The following MMP26 variants were observed in gnomAD, a reference collection of about 807,000 sequenced individuals.
MMP26 encodes matrix metallopeptidase 26, also known as matrix metalloproteinase-26.
In MMP26, 33 loss-of-function variants were observed where a neutral mutation model predicts 31.0. That is an observed-to-expected ratio of 1.06 (90% CI 0.81 to 1.42). The LOEUF is 1.42. Ranked by LOEUF, MMP26 falls within the 40% of genes most tolerant of loss-of-function variation. The pLI is 0.00. For synonymous variants in MMP26, 122 were observed against 114.9 expected (o/e 1.06, Z -0.40); for missense variants, 347 against 316.1 (o/e 1.10, Z -0.74).
chr11:4,942,597 A>G (rs775016262), intron 2 of MMP26, among the ~76,000 whole-genome samples: 6 of 152,162 alleles, frequency 3.9e-5, no homozygotes, highest in Non-Finnish European at 8.8e-5. Context: ...ATTGGCTATT[A>G]TATTTTATTG....
chr11:4,748,397 C>T (rs1291740004), intron 1 of MMP26, among the ~76,000 whole-genome samples: 1 of 152,006 alleles, frequency 6.6e-6, no homozygotes, highest in Admixed American at 6.6e-5. Context: ...CCAACTAAAA[C>T]TGTTCCAAAA....
chr11:4,708,127 T>A (rs1847806123), intron 1 of MMP26, among the ~76,000 whole-genome samples: 1 of 152,196 alleles, frequency 6.6e-6, no homozygotes, highest in African/African-American at 2.4e-5. Flanking sequence ...GATGCAGAAG[T>A]AGGTACATGT....
chr11:4,922,138 C>T (rs889822851), intron 2 of MMP26, among the ~76,000 whole-genome samples: 1 of 152,114 alleles, frequency 6.6e-6, no homozygotes, highest in Non-Finnish European at 1.5e-5. Context: ...CACTTAATGG[C>T]CAACAAGCAT....
At chr11:4,819,222 A>C (rs1378372684) in intron 2 of MMP26, among the ~76,000 whole-genome samples, 1 of 152,230 alleles carries the variant, frequency 6.6e-6, no homozygotes, top group Non-Finnish European at 1.5e-5. Context: ...TCAGACATGG[A>C]ACCTAAACAC....
At chr11:4,948,800 C>T (rs1406704721) in intron 2 of MMP26, among the ~76,000 whole-genome samples, 1 of 124,742 alleles carries the variant, frequency 8.0e-6, no homozygotes, top group Admixed American at 8.9e-5. Flanking sequence ...TTCTTTTAAA[C>T]TATGTGATGA....
chr11:4,811,608 G>A (rs555963367), intron 2 of MMP26, among the ~76,000 whole-genome samples: 32 of 152,024 alleles, frequency 2.1e-4, no homozygotes, highest in African/African-American at 7.5e-4. Context: ...GGTATGTGAC[G>A]TTCTTAGTAT....
chr11:4,768,935 C>A, intron 2 of MMP26: 1 of 1,353,902 alleles, frequency 7.4e-7, no homozygotes, highest in Non-Finnish European at 1.0e-6. Context: ...TTCTACAGTG[C>A]AAGTCATTCA....
At chr11:4,728,187 A>C (rs1848128379) in intron 1 of MMP26, among the ~76,000 whole-genome samples, 2 of 152,260 alleles carry the variant, frequency 1.3e-5, no homozygotes, top group Non-Finnish European at 2.9e-5. Context: ...GAAAAATTGG[A>C]AAGGACCTGA....
In MMP26 at chr11:4,969,911, A is replaced by C. The variant is rs1846643184; in HGVS notation, c.-144-18157A>C. Among the ~76,000 whole-genome samples the C allele has an allele frequency of 2.0e-5, 3 of 152,294 alleles. 1 individual carries two copies. In the South Asian group the frequency reaches 6.2e-4, roughly 32 times the overall value. ...AAATAATTTTGTTTAGTTTTTTCCT[A>C]GGAATTTTAGGAATATTTCATTTAC... On this transcript the variant is annotated intron_variant, in intron 2 of 7. Coordinates refer to ENST00000380390, the MANE Select transcript of MMP26 (RefSeq NM_021801.5).
intron 2 of MMP26, among the ~76,000 whole-genome samples, chr11:4,979,424 T>A (rs1278570986): frequency 6.6e-6 from 1 of 152,146 alleles, no homozygotes; most frequent in Non-Finnish European, 1.5e-5. Context: ...ATGAACATCG[T>A]GTCATTTTTA....
intron 1 of MMP26, among the ~76,000 whole-genome samples, chr11:4,715,297 A>G (rs1847914214): frequency 6.6e-6 from 1 of 151,466 alleles, no homozygotes; most frequent in African/African-American, 2.4e-5. Context: ...ATAAAAGAAT[A>G]TCGTTTCATC....
intron 2 of MMP26, chr11:4,914,549 C>A (rs1198500702): frequency 1.7e-6 from 1 of 572,164 alleles, no homozygotes; most frequent in Admixed American, 3.1e-5. Flanking sequence ...ATTTTACCCC[C>A]CCCTGCCCTG....
At chr11:4,794,455 T>TATGA (rs566248224) in intron 2 of MMP26, among the ~76,000 whole-genome samples, 8 of 152,310 alleles carry the variant, frequency 5.3e-5, no homozygotes, top group African/African-American at 1.9e-4. Context: ...GGTTGAGTAC[T>TATGA]ATGAGGTTGC....
intron 2 of MMP26, chr11:4,907,545 T>A: frequency 6.2e-7 from 1 of 1,614,076 alleles, no homozygotes. Context: ...CATGAGCCCA[T>A]GTATTATTTC....
chr11:4,897,943 T>G (rs10768353), intron 2 of MMP26, among the ~76,000 whole-genome samples: 37,610 of 147,684 alleles, frequency 0.25, 6,363 homozygotes, highest in South Asian at 0.38. Context: ...AATTAAATAA[T>G]AAATATTATA....
chr11:4,923,362 C>A, intron 2 of MMP26: 1 of 1,524,950 alleles, frequency 6.6e-7, no homozygotes, highest in Non-Finnish European at 8.8e-7. Flanking sequence ...AACTTCCTCT[C>A]TTTACTCTAA....
At chr11:4,777,837 T>C (rs1848808854) in intron 2 of MMP26, among the ~76,000 whole-genome samples, 1 of 152,122 alleles carries the variant, frequency 6.6e-6, no homozygotes, top group Non-Finnish European at 1.5e-5. Flanking sequence ...AATTAACTTT[T>C]CCATCCTGTT....
At chr11:4,774,478 G>T (rs1433631690) in intron 2 of MMP26, among the ~76,000 whole-genome samples, 1 of 152,084 alleles carries the variant, frequency 6.6e-6, no homozygotes, top group Non-Finnish European at 1.5e-5. Context: ...GGGGTTGCTT[G>T]TTTTTGTCTT....
chr11:4,717,903 C>T (rs1381847631), intron 1 of MMP26, among the ~76,000 whole-genome samples: 1 of 152,146 alleles, frequency 6.6e-6, no homozygotes, highest in Non-Finnish European at 1.5e-5. Context: ...GATAAAAATT[C>T]ATAACATTAA....
Sources: gnomAD v4.1 joint callset for allele counts (sites outside exome capture counted in the v4.1 genomes callset) on GRCh38, gnomAD v4.1.1 for gene constraint, MANE v1.5 for transcripts, NCBI Gene and HGNC (gene_info 2026-07-23, HGNC 2026-07-21) for gene names.